CLTCL1: variants seen among roughly 807,000 people sequenced by gnomAD.
CLTCL1 encodes the protein clathrin heavy chain 2.
Under a neutral mutation model 190.0 loss-of-function variants are expected in CLTCL1, and 159 were observed. That is an observed-to-expected ratio of 0.84 (90% CI 0.74 to 0.95). The LOEUF (loss-of-function observed/expected upper bound fraction) is 0.95. CLTCL1 is among the 40% of genes least tolerant of loss of function. The probability of loss-of-function intolerance (pLI) is 0.00; values close to 1 mark genes in which losing one functional copy is unlikely to be tolerated. For missense variants in CLTCL1, 1,878 were observed against 2,033.4 expected (o/e 0.92, Z 1.47); for synonymous variants, 752 against 769.6 (o/e 0.98, Z 0.38).
chr22:19,180,918 A>G, intron 30 of CLTCL1, 112 bp from the exon 31 acceptor site: 1 of 889,874 alleles, frequency 1.1e-6, no homozygotes, highest in African/African-American at 1.6e-5. Context: ...ATGACAGTGG[A>G]GGAGGTGCAC....
intron 3 of CLTCL1, among the ~76,000 whole-genome samples, chr22:19,249,331 C>A (rs988340527): frequency 4.6e-5 from 7 of 151,534 alleles, no homozygotes; most frequent in Non-Finnish European, 7.4e-5. Context: ...TGCACTCCAG[C>A]CTCAGCGACA....
intron 19 of CLTCL1, among the ~76,000 whole-genome samples, chr22:19,212,779 G>A (rs2085275709): frequency 6.6e-6 from 1 of 152,110 alleles, no homozygotes; most frequent in Admixed American, 6.6e-5. Context: ...AATAATGCTG[G>A]AATAAACTGG....
At chr22:19,199,959 G>A in intron 23 of CLTCL1, 118 bp from the exon 24 acceptor site, 2 of 627,982 alleles carry the variant, frequency 3.2e-6, no homozygotes, top group Admixed American at 2.9e-5. Context: ...ATTTTAAGTT[G>A]GATTCTGAAC....
At chr22:19,230,475 T>C (rs375774798) in intron 10 of CLTCL1, among the ~76,000 whole-genome samples, 3 of 152,158 alleles carry the variant, frequency 2.0e-5, no homozygotes, top group Admixed American at 2.0e-4. Context: ...TAGTCCCAGC[T>C]ACTCAGGAGG....
Position 19,234,694 on chromosome 22 carries a change from A to C in CLTCL1, c.982T>G (p.Cys328Gly). 2 of 1,613,944 alleles carry C rather than the reference A, an allele frequency of 1.2e-6. No individual in the cohort carries two copies. The highest frequency in any genetic ancestry group is 1.1e-5 in the South Asian group (1 of 91,076). Residue 328 changes from cysteine (C) to glycine (G), a missense_variant, in exon 7 of 33, where the codon TGT becomes GGT. Transcript: ENST00000427926. ...VNKKGQVLSV[C>G]VEEDNIVNYA... Reference sequence around the variant, plus strand: ...TTCACAATGTTATCTTCCTCAACACAAACTGACAGTACCTGTAAGGACACA... The same window carrying C: ...TTCACAATGTTATCTTCCTCAACACCAACTGACAGTACCTGTAAGGACACA...
Position 19,210,492 on chromosome 22 carries a change from A to G in CLTCL1, c.3083T>C (p.Leu1028Ser). 1 of 1,613,832 alleles carries G rather than the reference A, an allele frequency of 6.2e-7. No homozygotes were observed. The highest frequency in any genetic ancestry group is 8.5e-7 in the Non-Finnish European group (1 of 1,179,816). ...FSEHRNLQNL[L>S]ILTAIKADRT... ...GTCTGCCTTGATGGCAGTCAGGATCAACAGATTCTGTAGATTCCTGAGGAG... is the reference window on the plus strand; with the variant it reads ...GTCTGCCTTGATGGCAGTCAGGATCGACAGATTCTGTAGATTCCTGAGGAG... Residue 1028 changes from leucine to serine, a missense_variant, in exon 20 of 33, where the codon TTG becomes TCG. Transcript: ENST00000427926.
At chr22:19,196,164 G>A (rs2084696320) in intron 26 of CLTCL1, 102 bp downstream of exon 26, 1 of 1,173,872 alleles carries the variant, frequency 8.5e-7, no homozygotes. Flanking sequence ...ACAGCATGGG[G>A]GCATGCTGGT....
At chr22:19,231,380 T>C (rs2085914644) in intron 10 of CLTCL1, among the ~76,000 whole-genome samples, 1 of 152,192 alleles carries the variant, frequency 6.6e-6, no homozygotes, top group South Asian at 2.1e-4. Flanking sequence ...TGCACCACCA[T>C]GCCTGGCTAA....
intron 2 of CLTCL1, among the ~76,000 whole-genome samples, chr22:19,259,171 T>A (rs782241290): frequency 7.9e-5 from 12 of 152,202 alleles, no homozygotes; most frequent in Non-Finnish European, 1.5e-4. Flanking sequence ...AATGGCATGA[T>A]CTTGGCTCAC....
intron 22 of CLTCL1, among the ~76,000 whole-genome samples, chr22:19,203,599 T>G (rs2146340610): frequency 6.6e-6 from 1 of 152,130 alleles, no homozygotes; most frequent in East Asian, 1.9e-4. Context: ...CATCTCCCCC[T>G]CTCCCTGCTG....
chr22:19,230,908 T>C (rs1467716647), intron 10 of CLTCL1, among the ~76,000 whole-genome samples: 1 of 152,116 alleles, frequency 6.6e-6, no homozygotes, highest in Non-Finnish European at 1.5e-5. Context: ...CACCATCTAA[T>C]CGGCTGGGGG....
At chr22:19,235,566 A>G in intron 6 of CLTCL1, 130 bp downstream of exon 6, 3 of 812,780 alleles carry the variant, frequency 3.7e-6, no homozygotes, top group Non-Finnish European at 6.0e-6. Context: ...AGGAGGAGAC[A>G]TGGGTTTAAG....
rs574306438 is a variant in CLTCL1, at chr22:19,291,657, T to TCGG, written c.-19_-17dup. On this transcript the variant is annotated 5_prime_UTR_variant, in exon 1 of 33. Transcript: ENST00000427926. ...TCTGCGCCATGGCTGGTGCGGGACC[T>TCGG]CGGCGGCGGCGGCGGCAGCGGCAGG... 8,254 of 1,367,772 alleles carry TCGG rather than the reference T, an allele frequency of 6.0e-3. 396 individuals are homozygous for TCGG. In the African/African-American group the frequency reaches 0.11, roughly 18 times the overall value. 84.7% of individuals were successfully genotyped at this position (1,367,772 alleles called of 1,614,324 possible).
chr22:19,201,539 G>C, intron 22 of CLTCL1, 46 bp from the exon 23 acceptor site: 1 of 1,570,846 alleles, frequency 6.4e-7, no homozygotes, highest in Non-Finnish European at 8.7e-7. Flanking sequence ...TCAATGGGAA[G>C]ATTTCTCCAG....
intron 26 of CLTCL1, 66 bp from the exon 27 acceptor site, chr22:19,191,501 G>A: frequency 6.3e-7 from 1 of 1,586,898 alleles, no homozygotes; most frequent in Admixed American, 1.7e-5. Flanking sequence ...GCTCCTTCCA[G>A]TTTTTGCTCA....
intron 13 of CLTCL1, among the ~76,000 whole-genome samples, chr22:19,224,887 T>C (rs1739666046): frequency 6.6e-6 from 1 of 152,178 alleles, no homozygotes; most frequent in Non-Finnish European, 1.5e-5. Flanking sequence ...GTCTCTATCC[T>C]GGGTGGGCCA....
chr22:19,232,992 A>G (rs993099199), intron 9 of CLTCL1, among the ~76,000 whole-genome samples, 174 bp downstream of exon 9: 8 of 152,236 alleles, frequency 5.3e-5, no homozygotes, highest in Non-Finnish European at 8.8e-5. Flanking sequence ...TAAGGATAAT[A>G]AAAAGCTGAA....
intron 2 of CLTCL1, among the ~76,000 whole-genome samples, chr22:19,270,852 T>C (rs2087292785): frequency 6.7e-6 from 1 of 150,228 alleles, no homozygotes; most frequent in Non-Finnish European, 1.5e-5. Flanking sequence ...GCTGTCAGGA[T>C]GGGGGTACCT....
intron 29 of CLTCL1, among the ~76,000 whole-genome samples, chr22:19,187,116 G>A (rs903807039): frequency 8.6e-5 from 13 of 151,708 alleles, no homozygotes; most frequent in African/African-American, 3.2e-4. Context: ...TAAAGATGGG[G>A]TCTTGCCATG....
Sources: allele counts gnomAD v4.1 joint callset (sites outside exome capture counted in the v4.1 genomes callset), GRCh38; gene constraint gnomAD v4.1.1; transcripts MANE v1.5; gene names NCBI Gene and HGNC (gene_info 2026-07-23, HGNC 2026-07-21).